PLEKHM3: variants seen among roughly 807,000 people sequenced by gnomAD.
The protein encoded by PLEKHM3 is pleckstrin homology domain containing M3.
Under a neutral mutation model 81.8 loss-of-function variants are expected in PLEKHM3, and 45 were observed. That is an observed-to-expected ratio of 0.55 (90% CI 0.43 to 0.71). PLEKHM3 has a LOEUF of 0.71. Among genes scored for constraint, PLEKHM3 ranks in the 30% least tolerant of loss-of-function variants. PLEKHM3 has a pLI of 0.00. For missense variants in PLEKHM3, 788 were observed against 924.3 expected (o/e 0.85, Z 1.91); for synonymous variants, 352 against 356.4 (o/e 0.99, Z 0.14).
At chr2:208,016,518 G>A (rs115390994) in intron 1 of PLEKHM3, among the ~76,000 whole-genome samples, 2,060 of 151,548 alleles carry the variant, frequency 0.014, 16 homozygotes, top group African/African-American at 0.016. Flanking sequence ...TCATGGTGGC[G>A]CATGGCTGTG....
intron 2 of PLEKHM3, among the ~76,000 whole-genome samples, chr2:207,999,584 GACA>G (rs1692229314): frequency 6.6e-6 from 1 of 152,076 alleles, no homozygotes; most frequent in South Asian, 2.1e-4. Context: ...CAGCCTGGGA[GACA>G]ACAAGACCTT....
chr2:207,967,341 C>T (rs777148421), intron 3 of PLEKHM3, among the ~76,000 whole-genome samples: 5 of 152,290 alleles, frequency 3.3e-5, no homozygotes, highest in Middle Eastern at 3.4e-3. Flanking sequence ...GCTGGCTTCA[C>T]GGCTGCCTCA....
chr2:207,934,926 C>A lies in PLEKHM3; in HGVS notation c.1693-3807G>T, dbSNP rs149659745. On this transcript the variant is annotated intron_variant, in intron 4 of 7. Coordinates refer to ENST00000427836, the MANE Select transcript of PLEKHM3 (RefSeq NM_001080475.3). ...GGGAGAGTGTTCTGGTATGCTCCCC[C>A]ACAAAAATAGCCCCTGGTGATAACG... 1.2e-4 allele frequency among the ~76,000 whole-genome samples: 18 copies of A among 152,264 alleles called. No homozygotes were observed. The East Asian group carries it at 2.7e-3, about 23-fold the overall frequency.
At chr2:207,884,379 G>A (rs546581694) in intron 6 of PLEKHM3, among the ~76,000 whole-genome samples, 6 of 152,246 alleles carry the variant, frequency 3.9e-5, no homozygotes, top group Admixed American at 3.3e-4. Context: ...ACTACAGAAT[G>A]GAAAGGAAGA....
At chr2:207,908,695 T>C (rs1470230141) in intron 5 of PLEKHM3, 118 bp from the exon 6 acceptor site, 1 of 823,876 alleles carries the variant, frequency 1.2e-6, no homozygotes, top group Non-Finnish European at 1.9e-6. Flanking sequence ...TTTCCACCTA[T>C]ACTTCTCCTA....
intron 5 of PLEKHM3, chr2:207,930,047 T>C: frequency 1.8e-6 from 1 of 548,454 alleles, no homozygotes; most frequent in Non-Finnish European, 3.2e-6. Flanking sequence ...AGACTTTAAA[T>C]GCCTATAAAA....
intron 2 of PLEKHM3, among the ~76,000 whole-genome samples, chr2:207,986,334 C>T (rs1239207941): frequency 6.6e-6 from 1 of 152,192 alleles, no homozygotes; most frequent in Non-Finnish European, 1.5e-5. Flanking sequence ...CCTAGACAGG[C>T]TCACCCGGAC....
intron 3 of PLEKHM3, among the ~76,000 whole-genome samples, chr2:207,972,013 C>T (rs1691138684): frequency 6.6e-6 from 1 of 152,230 alleles, no homozygotes; most frequent in South Asian, 2.1e-4. Context: ...ATGGGCGTCA[C>T]ATCTGTAGCA....
intron 6 of PLEKHM3, among the ~76,000 whole-genome samples, chr2:207,866,267 T>C (rs527974548): frequency 6.6e-6 from 1 of 152,120 alleles, no homozygotes; most frequent in Non-Finnish European, 1.5e-5. Context: ...GCGATTCTCC[T>C]GCCTCAGCCT....
intron 7 of PLEKHM3, among the ~76,000 whole-genome samples, chr2:207,834,076 G>A (rs182853480): frequency 6.8e-4 from 103 of 151,606 alleles, no homozygotes; most frequent in Non-Finnish European, 1.1e-3. Context: ...TATCAGTGAC[G>A]CAATGCTGTG....
At chr2:207,982,571 T>C (rs1574466828) in intron 2 of PLEKHM3, among the ~76,000 whole-genome samples, 2 of 141,560 alleles carry the variant, frequency 1.4e-5, no homozygotes, top group African/African-American at 5.3e-5. Context: ...TGTCCAGCAT[T>C]GATTTTCTTT....
At chr2:207,921,794 A>G in intron 5 of PLEKHM3, among the ~76,000 whole-genome samples, 1 of 152,358 alleles carries the variant, frequency 6.6e-6, no homozygotes, top group Middle Eastern at 3.4e-3. Context: ...TTCACTTAAC[A>G]TAACATTGTA....
At chr2:207,936,289 T>G (rs900370524) in intron 4 of PLEKHM3, among the ~76,000 whole-genome samples, 10 of 152,228 alleles carry the variant, frequency 6.6e-5, no homozygotes, top group South Asian at 2.1e-4. Flanking sequence ...GTATTTTTTT[T>G]ACTGTCTTTC....
intron 3 of PLEKHM3, among the ~76,000 whole-genome samples, chr2:207,957,186 C>T (rs1473723143): frequency 6.6e-6 from 1 of 152,030 alleles, no homozygotes; most frequent in Non-Finnish European, 1.5e-5. Flanking sequence ...AAACATAGTT[C>T]AAAAAATTTG....
chr2:207,933,166 A>G (rs910080456), intron 4 of PLEKHM3, among the ~76,000 whole-genome samples: 13 of 152,198 alleles, frequency 8.5e-5, no homozygotes, highest in East Asian at 1.9e-4. Context: ...GAATTAGCCA[A>G]AATCTTCAAC....
chr2:207,967,969 T>G (rs1279027087), intron 3 of PLEKHM3, among the ~76,000 whole-genome samples: 1 of 152,060 alleles, frequency 6.6e-6, no homozygotes, highest in Non-Finnish European at 1.5e-5. Context: ...TGTGTACCTT[T>G]ACTGACAAAC....
chr2:207,989,621 CAG>C (rs1282823251), intron 2 of PLEKHM3, among the ~76,000 whole-genome samples: 1 of 152,194 alleles, frequency 6.6e-6, no homozygotes, highest in African/African-American at 2.4e-5. Context: ...TGACGCCTGG[CAG>C]ACCTTCTGAT....
Position 208,010,520 on chromosome 2 carries a change from C to T in PLEKHM3, c.-318-8563G>A, listed in dbSNP as rs552907269. On this transcript the variant is annotated intron_variant, in intron 1 of 7. Coordinates refer to ENST00000427836, the MANE Select transcript of PLEKHM3 (RefSeq NM_001080475.3). ...GACTAGAAAACAAACAAAAGAACCACTTGAATTAGCTTTATCTTGGGACTG... is the reference window on the plus strand; with the variant it reads ...GACTAGAAAACAAACAAAAGAACCATTTGAATTAGCTTTATCTTGGGACTG... Among the ~76,000 whole-genome samples, 3 of 152,354 alleles carry T rather than the reference C, an allele frequency of 2.0e-5. No individual in the cohort carries two copies. The South Asian group carries it at 6.2e-4, about 32-fold the overall frequency.
Position 207,908,570 on chromosome 2 carries a change from G to C in PLEKHM3, c.1894C>G (p.Pro632Ala). The C allele has an allele frequency of 3.1e-6, 5 of 1,611,734 alleles. No homozygotes were observed. Among genetic ancestry groups the C allele is most frequent in the Non-Finnish European group, 4.2e-6 (5 of 1,178,902 alleles). The change falls in exon 6 of 8, where the codon CCC (proline) becomes GCC (alanine). Residue 632 changes from proline (P) to alanine (A), a missense_variant. Coordinates refer to ENST00000427836, the MANE Select transcript of PLEKHM3 (RefSeq NM_001080475.3). ...ATCTGTTGAAGGAGGTATTCTCTGG[G>C]GAAAATTCTGAAAACAAGGGCAGAT... The part of the protein sequence containing the change: ...VAEDLRRRIF[P>A]REYLLQQIHL...
Sources: gnomAD v4.1 joint callset for allele counts (sites outside exome capture counted in the v4.1 genomes callset) on GRCh38, gnomAD v4.1.1 for gene constraint, MANE v1.5 for transcripts, NCBI Gene and HGNC (gene_info 2026-07-23, HGNC 2026-07-21) for gene names.